Variants in ITFG1 observed in about 807,000 individuals in gnomAD.
ITFG1 encodes T-cell immunomodulatory protein.
ITFG1 carries 34 observed loss-of-function variants against 81.8 expected under a neutral mutation model. That is an observed-to-expected ratio of 0.42 (90% confidence interval 0.32 to 0.55). The LOEUF (loss-of-function observed/expected upper bound fraction) is 0.55. Ranked by LOEUF, ITFG1 falls within the 20% of genes least tolerant of loss-of-function variation. The probability of loss-of-function intolerance (pLI) is 0.17; values close to 1 mark genes in which losing one functional copy is unlikely to be tolerated. For missense variants in ITFG1, 672 were observed against 755.4 expected (o/e 0.89, Z 1.29); for synonymous variants, 285 against 270.6 (o/e 1.05, Z -0.52).
chr16:47,345,123 A>G (rs1967834030), intron 8 of ITFG1, among the ~76,000 whole-genome samples: 1 of 152,212 alleles, frequency 6.6e-6, no homozygotes, highest in African/African-American at 2.4e-5. Flanking sequence ...AACAGTAGGT[A>G]AGGCAGGACA....
intron 2 of ITFG1, among the ~76,000 whole-genome samples, chr16:47,455,308 C>T (rs1213917491): frequency 6.6e-6 from 1 of 150,600 alleles, no homozygotes; most frequent in Admixed American, 6.6e-5. Flanking sequence ...AAACAAATAG[C>T]AATAAGGAAC....
chr16:47,447,453 A>G (rs1321313255), intron 5 of ITFG1, among the ~76,000 whole-genome samples: 1 of 152,194 alleles, frequency 6.6e-6, no homozygotes, highest in Non-Finnish European at 1.5e-5. Flanking sequence ...ACTTAAATAT[A>G]ATACTACCAA....
rs962302644 is a variant in ITFG1, at chr16:47,212,588, G to A, written c.1453+6280C>T. ...GGGTCTACCTATTTCTTTTTTGCAA[G>A]TTTTAAAATTATGAACCCAATTTCC... On this transcript the variant is annotated intron_variant, in intron 14 of 17. Transcript: ENST00000320640. Among the ~76,000 whole-genome samples the A allele has an allele frequency of 3.3e-5, 5 of 152,188 alleles. No individual in the cohort carries two copies. In the East Asian group the frequency reaches 7.7e-4, roughly 23 times the overall value.
intron 14 of ITFG1, among the ~76,000 whole-genome samples, chr16:47,168,178 A>G (rs2151509011): frequency 6.6e-6 from 1 of 152,330 alleles, no homozygotes; most frequent in East Asian, 1.9e-4. Context: ...TTCATGACCA[A>G]TTATGTAGGA....
At chr16:47,434,467 A>T (rs1472237636) in intron 5 of ITFG1, among the ~76,000 whole-genome samples, 3 of 152,218 alleles carry the variant, frequency 2.0e-5, no homozygotes, top group African/African-American at 7.2e-5. Context: ...ATCACTGATC[A>T]TTAGAGAAAT....
intron 10 of ITFG1, chr16:47,262,685 C>T (rs1349568847): frequency 6.6e-6 from 1 of 152,242 alleles, no homozygotes; most frequent in East Asian, 1.9e-4. Flanking sequence ...AATGTTATTC[C>T]TTCTTTTGCC....
chr16:47,203,972 T>C (rs1008486247), intron 14 of ITFG1, among the ~76,000 whole-genome samples: 1 of 152,186 alleles, frequency 6.6e-6, no homozygotes. Flanking sequence ...TTGCACACAG[T>C]GTGAATACAC....
intron 17 of ITFG1, among the ~76,000 whole-genome samples, chr16:47,158,035 A>G (rs979376022): frequency 1.3e-5 from 2 of 152,244 alleles, no homozygotes; most frequent in African/African-American, 4.8e-5. Context: ...AGAGTATTAT[A>G]CTAAAGAACA....
At chr16:47,370,863 C>T (rs996181121) in intron 7 of ITFG1, among the ~76,000 whole-genome samples, 9 of 152,088 alleles carry the variant, frequency 5.9e-5, no homozygotes, top group African/African-American at 9.7e-5. Context: ...CTCTAGCTGG[C>T]GAAGTGGCAC....
chr16:47,218,827 A>G, intron 14 of ITFG1, 41 bp downstream of exon 14: 5 of 1,240,604 alleles, frequency 4.0e-6, no homozygotes, highest in Middle Eastern at 4.3e-4. Flanking sequence ...ATATTGACTG[A>G]AGAAGCTTTT....
intron 4 of ITFG1, 52 bp downstream of exon 4, chr16:47,452,676 GATTTT>G: frequency 8.5e-7 from 1 of 1,169,988 alleles, no homozygotes; most frequent in Non-Finnish European, 1.2e-6. Flanking sequence ...CCTATGTGAA[GATTTT>G]ATTTTATGTT....
chr16:47,261,460 T>C (rs967605705), intron 10 of ITFG1, among the ~76,000 whole-genome samples: 1 of 152,224 alleles, frequency 6.6e-6, no homozygotes, highest in African/African-American at 2.4e-5. Context: ...AAAGTGTTTA[T>C]ATTATCTTCA....
At chr16:47,376,087 A>AT (rs1424769526) in intron 6 of ITFG1, 147 bp from the exon 7 acceptor site, 1 of 514,742 alleles carries the variant, frequency 1.9e-6, no homozygotes, top group Non-Finnish European at 3.5e-6. Flanking sequence ...GTTTCATCCC[A>AT]TTAAAAAAAA....
At chr16:47,322,091 A>G (rs1197998133) in intron 8 of ITFG1, among the ~76,000 whole-genome samples, 1 of 152,176 alleles carries the variant, frequency 6.6e-6, no homozygotes, top group Non-Finnish European at 1.5e-5. Context: ...TTCTGCACAT[A>G]TACAGAATTA....
chr16:47,455,661 T>C (rs1969442166), intron 2 of ITFG1, among the ~76,000 whole-genome samples: 1 of 149,236 alleles, frequency 6.7e-6, no homozygotes, highest in Admixed American at 6.7e-5. Flanking sequence ...CCCAGCTACT[T>C]GGGAGGTTGA....
chr16:47,306,258 AC>A (rs1383179254), intron 10 of ITFG1, among the ~76,000 whole-genome samples: 1 of 152,184 alleles, frequency 6.6e-6, no homozygotes, highest in Non-Finnish European at 1.5e-5. Context: ...GATTTAAATA[AC>A]ATAATTAACT....
intron 3 of ITFG1, among the ~76,000 whole-genome samples, chr16:47,453,380 T>C (rs1315797401): frequency 6.6e-6 from 1 of 152,338 alleles, no homozygotes; most frequent in Non-Finnish European, 1.5e-5. Flanking sequence ...TCTCGAACCA[T>C]ACTTCAACTT....
chr16:47,174,230 T>G (rs1412073939), intron 14 of ITFG1, among the ~76,000 whole-genome samples: 1 of 152,204 alleles, frequency 6.6e-6, no homozygotes, highest in East Asian at 1.9e-4. Context: ...ATAATTCCCA[T>G]GCATTCTATT....
chr16:47,436,261 T>C (rs1248142905), intron 5 of ITFG1, among the ~76,000 whole-genome samples: 2 of 152,148 alleles, frequency 1.3e-5, no homozygotes, highest in Non-Finnish European at 2.9e-5. Flanking sequence ...GTTGTGCACA[T>C]GTACCCTAAA....
Sources: allele counts gnomAD v4.1 joint callset (sites outside exome capture counted in the v4.1 genomes callset), GRCh38; gene constraint gnomAD v4.1.1; transcripts MANE v1.5; gene names NCBI Gene and HGNC (gene_info 2026-07-23, HGNC 2026-07-21).